Variants in KSR1 observed in about 807,000 individuals in gnomAD.
KSR1 encodes kinase suppressor of ras 1.
A neutral mutation model predicts 92.9 loss-of-function variants in KSR1; 35 were observed. The observed-to-expected ratio is 0.38, with a 90% CI of 0.29 to 0.50. The LOEUF (loss-of-function observed/expected upper bound fraction) is 0.50, where lower values mean the gene tolerates loss of function less well. Among genes scored for constraint, KSR1 ranks in the 20% least tolerant of loss-of-function variants. The pLI, the probability that KSR1 is intolerant of heterozygous loss-of-function variation, is 0.94. For synonymous variants in KSR1, 467 were observed against 472.6 expected (o/e 0.99, Z 0.15); for missense variants, 972 against 1,158.5 (o/e 0.84, Z 2.34).
At chr17:27,610,012 C>G in intron 16 of KSR1, 55 bp from the exon 17 acceptor site, 2 of 1,604,136 alleles carry the variant, frequency 1.2e-6, no homozygotes, top group Non-Finnish European at 8.5e-7. Flanking sequence ...CCAGGCAGGC[C>G]TCTTTGCTGC....
intron 1 of KSR1, chr17:27,526,933 C>T (rs1346364781): frequency 1.6e-5 from 10 of 606,498 alleles, no homozygotes; most frequent in Admixed American, 5.9e-5. Context: ...AGGGGGCTGA[C>T]GCTCCCTTTC....
At chr17:27,617,195 C>A in intron 18 of KSR1, 100 bp from the exon 19 acceptor site, 2 of 1,320,400 alleles carry the variant, frequency 1.5e-6, no homozygotes, top group Non-Finnish European at 2.0e-6. Flanking sequence ...AGTTAGAGGG[C>A]ACTTGAGAAC....
In KSR1 at chr17:27,575,027, A is replaced by T. The variant is rs375927461; in HGVS notation, c.373-2465A>T. On this transcript the variant is annotated intron_variant, in intron 2 of 20. Coordinates refer to ENST00000644974, the MANE Select transcript of KSR1 (RefSeq NM_001394583.1). Reference sequence around the variant, plus strand: ...CAGAGGCATGTCCCATTGGTTTTTTATATTTGTCCCAGGTTTGGTATTGTT... The same window carrying T: ...CAGAGGCATGTCCCATTGGTTTTTTTTATTTGTCCCAGGTTTGGTATTGTT... 3.3e-5 allele frequency among the ~76,000 whole-genome samples: 5 copies of T among 152,240 alleles called. No individual in the cohort carries two copies. In the East Asian group the frequency reaches 5.8e-4, roughly 18 times the overall value.
chr17:27,516,951 A>G (rs55998537), intron 1 of KSR1, among the ~76,000 whole-genome samples: 34,485 of 152,198 alleles, frequency 0.23, 4,138 homozygotes, highest in Non-Finnish European at 0.26. Flanking sequence ...TGACTCTAGT[A>G]TAACATCTTA....
At chr17:27,465,030 C>CAT (rs2019619427) in intron 1 of KSR1, 1 of 147,436 alleles carries the variant, frequency 6.8e-6, no homozygotes. Flanking sequence ...GGGTTGGACA[C>CAT]GGCTGATCTA....
In KSR1 at chr17:27,597,150, C is replaced by A. The variant is rs2073369837; in HGVS notation, c.1300-118C>A. ...AATGTTAGATGTGTAAAATGTCAGA[C>A]CCTGAGGATTCCCTGGGCTGACTGC... is the stretch of plus-strand genomic sequence containing the variant. On this transcript the variant is annotated intron_variant, in intron 9 of 20. Coordinates refer to ENST00000644974, the MANE Select transcript of KSR1 (RefSeq NM_001394583.1). 2.7e-6 allele frequency: 3 copies of A among 1,131,364 alleles called. No individual in the cohort carries two copies. In the South Asian group the frequency reaches 4.4e-5, roughly 17 times the overall value. The allele number at this position is 1,131,364 out of a possible 1,614,324, so 70.1% of individuals were successfully genotyped here.
At chr17:27,507,418 G>A (rs1402371934) in intron 1 of KSR1, among the ~76,000 whole-genome samples, 1 of 151,820 alleles carries the variant, frequency 6.6e-6, no homozygotes, top group Non-Finnish European at 1.5e-5. Flanking sequence ...GGGTGTCAGA[G>A]CAAGACTTTG....
At chr17:27,609,929 G>T (rs144950837) in intron 16 of KSR1, 138 bp from the exon 17 acceptor site, 50 of 1,058,682 alleles carry the variant, frequency 4.7e-5, no homozygotes, top group Non-Finnish European at 6.5e-5. Context: ...CAAGTGCAGG[G>T]TCAGTGTTCT....
At chr17:27,566,977 T>A (rs1216836544) in intron 2 of KSR1, among the ~76,000 whole-genome samples, 1 of 152,100 alleles carries the variant, frequency 6.6e-6, no homozygotes, top group African/African-American at 2.4e-5. Context: ...AGACTGTGAG[T>A]GCTGACTTTG....
intron 14 of KSR1, among the ~76,000 whole-genome samples, chr17:27,606,041 A>ATTACACCT (rs2073741438): frequency 1.3e-5 from 2 of 152,226 alleles, no homozygotes; most frequent in African/African-American, 4.8e-5. Context: ...ACACTTTGGG[A>ATTACACCT]GGCCAAGGTG....
intron 19 of KSR1, among the ~76,000 whole-genome samples, chr17:27,620,685 G>C (rs1013591704): frequency 6.6e-6 from 1 of 152,118 alleles, no homozygotes; most frequent in Non-Finnish European, 1.5e-5. Flanking sequence ...GTTCAAGGAG[G>C]GTGATGTGAG....
chr17:27,461,858 C>CTTG (rs2019460135), intron 1 of KSR1, among the ~76,000 whole-genome samples: 2 of 152,252 alleles, frequency 1.3e-5, no homozygotes, highest in Admixed American at 1.3e-4. Flanking sequence ...GTATTCTACT[C>CTTG]CTGCCCGCTG....
intron 1 of KSR1, among the ~76,000 whole-genome samples, chr17:27,525,457 C>G (rs563421809): frequency 6.6e-6 from 1 of 152,174 alleles, no homozygotes; most frequent in African/African-American, 2.4e-5. Context: ...AATGAGTTAC[C>G]GCATGTAATG....
rs953803725 is a variant in KSR1 at position 27,550,605 on chromosome 17, G to A, written c.269G>A (p.Cys90Tyr). 1.7e-5 allele frequency: 13 copies of A among 764,780 alleles called. No individual in the cohort carries two copies. The allele number at this position is 764,780 out of a possible 1,614,324, so 47.4% of individuals were successfully genotyped here. Reference sequence around the variant, plus strand: ...CGTTACATTTGTAAGCAGAGGCAGTGCAAGCTGAGCGTGGCTCCCGGTGAG... The same window carrying A: ...CGTTACATTTGTAAGCAGAGGCAGTACAAGCTGAGCGTGGCTCCCGGTGAG... ...LVRYICKQRQ[C>Y]KLSVAPGERT... Residue 90 changes from cysteine (C) to tyrosine (Y), a missense_variant, in exon 2 of 21, where the codon TGC becomes TAC. Cys to Tyr is a radical substitution (Grantham distance 194). Transcript: ENST00000644974.
chr17:27,596,761 G>A (rs1250529813), intron 9 of KSR1, among the ~76,000 whole-genome samples: 1 of 152,154 alleles, frequency 6.6e-6, no homozygotes, highest in Non-Finnish European at 1.5e-5. Context: ...AGAGTGCCTG[G>A]TGCCTAGCAG....
At chr17:27,623,187 C>A in intron 20 of KSR1, 127 bp from the exon 21 acceptor site, 1 of 693,188 alleles carries the variant, frequency 1.4e-6, no homozygotes, top group South Asian at 1.5e-5. Context: ...GGGCTGTTGG[C>A]CAATCAGTCA....
At chr17:27,491,623 G>A (rs2068835760) in intron 1 of KSR1, among the ~76,000 whole-genome samples, 1 of 152,166 alleles carries the variant, frequency 6.6e-6, no homozygotes, top group African/African-American at 2.4e-5. Context: ...TGTCCACAAA[G>A]GGTGGTACTT....
intron 1 of KSR1, chr17:27,527,096 G>A: frequency 2.5e-6 from 1 of 402,170 alleles, no homozygotes; most frequent in Non-Finnish European, 4.8e-6. Flanking sequence ...TTGCTTAAGG[G>A]CAATAGTTCA....
intron 2 of KSR1, among the ~76,000 whole-genome samples, chr17:27,557,292 C>A (rs746787785): frequency 6.6e-6 from 1 of 152,170 alleles, no homozygotes; most frequent in Non-Finnish European, 1.5e-5. Flanking sequence ...GTTCCCTGTA[C>A]GTGTGAGAGA....
Sources: allele counts gnomAD v4.1 joint callset (sites outside exome capture counted in the v4.1 genomes callset), GRCh38; gene constraint gnomAD v4.1.1; transcripts MANE v1.5; gene names NCBI Gene and HGNC (gene_info 2026-07-23, HGNC 2026-07-21).